The following NR1H3 variants were observed in gnomAD, a reference collection of about 807,000 sequenced individuals.
NR1H3 encodes the protein nuclear receptor subfamily 1 group H member 3, also known as oxysterols receptor LXR-alpha.
NR1H3 carries 19 observed loss-of-function variants against 48.1 expected under a neutral mutation model. The ratio of observed to expected loss-of-function variants is 0.40; its 90% CI spans 0.28 to 0.58. The LOEUF (loss-of-function observed/expected upper bound fraction) is 0.58. Among genes scored for constraint, NR1H3 ranks in the 20% least tolerant of loss-of-function variants. The probability of loss-of-function intolerance (pLI) is 0.50; values close to 1 mark genes in which losing one functional copy is unlikely to be tolerated. For missense variants in NR1H3, 486 were observed against 595.9 expected (o/e 0.82, Z 1.92); for synonymous variants, 232 against 227.3 (o/e 1.02, Z -0.19).
upstream of NR1H3, among the ~76,000 whole-genome samples, chr11:47,254,711 C>T (rs1350529033): frequency 6.6e-6 from 1 of 152,158 alleles, no homozygotes; most frequent in Non-Finnish European, 1.5e-5. Context: ...CAACAGCACC[C>T]AGCCTGCTGT....
At chr11:47,259,057 T>G (rs1206486029) in intron 1 of NR1H3, 123 bp from the exon 2 acceptor site, 6 of 1,524,296 alleles carry the variant, frequency 3.9e-6, no homozygotes, top group Non-Finnish European at 4.4e-6. Context: ...CAGGCTAATA[T>G]ATGGCAAGTA....
chr11:47,260,805 C>T lies in NR1H3; in HGVS notation c.499+130C>T, dbSNP rs1955762489. On this transcript the variant is annotated intron_variant, in intron 4 of 9. Transcript: ENST00000441012. ...GTATGGATCCCAGTATCTTTCTTGA[C>T]CGGGCGCGGTGGCTCATGCCTGTAA... is the stretch of plus-strand genomic sequence containing the variant. 4.0e-6 allele frequency: 5 copies of T among 1,253,016 alleles called. No individual in the cohort carries two copies. The South Asian group carries it at 6.1e-5, about 15-fold the overall frequency. The allele number at this position is 1,253,016 out of a possible 1,614,324, so 77.6% of individuals were successfully genotyped here.
rs754179468 is a variant in NR1H3, at chr11:47,268,564, C to T, written c.1212C>T (p.Phe404=). ...SIHHPHDRLM[F]PRMLMKLVSL... is the part of the protein sequence containing the mutation. ...CCTTTCCCCAGGACCGACTGATGTT[C>T]CCACGGATGCTAATGAAACTGGTGA... Residue 404 remains phenylalanine (F), a synonymous_variant, in exon 10 of 10, where the codon TTC becomes TTT. Transcript: ENST00000441012. 1 of 1,614,220 alleles carries T rather than the reference C, an allele frequency of 6.2e-7. No homozygotes were observed. Among genetic ancestry groups the T allele is most frequent in the South Asian group, 1.1e-5 (1 of 91,076 alleles).
intron 5 of NR1H3, 35 bp from the exon 6 acceptor site, chr11:47,261,512 G>T (rs756823363): frequency 2.5e-6 from 4 of 1,610,408 alleles, no homozygotes; most frequent in Admixed American, 3.3e-5. Flanking sequence ...CTTGATGTCC[G>T]ACTCAAAGCG....
chr11:47,260,319 G>A, intron 3 of NR1H3, 90 bp from the exon 4 acceptor site: 12 of 1,487,916 alleles, frequency 8.1e-6, no homozygotes, highest in South Asian at 2.7e-5. Flanking sequence ...AGGGAATGAA[G>A]GTCACTGAGT....
At chr11:47,253,115 C>T (rs1270253107), upstream of NR1H3, among the ~76,000 whole-genome samples, 9 of 86,316 alleles carry the variant, frequency 1.0e-4, no homozygotes, top group South Asian at 4.1e-4. Context: ...GATGCCACCA[C>T]GCCTGGCTAA....
intron 2 of NR1H3, 180 bp from the exon 3 acceptor site, chr11:47,259,611 G>A: frequency 1.4e-6 from 2 of 1,453,288 alleles, no homozygotes; most frequent in Non-Finnish European, 1.8e-6. Flanking sequence ...TGAGATGTAA[G>A]AAACTACAAG....
At chr11:47,251,072 T>A (rs1458038201) in intron 1 of NR1H3, among the ~76,000 whole-genome samples, 1 of 151,964 alleles carries the variant, frequency 6.6e-6, no homozygotes, top group Non-Finnish European at 1.5e-5. Flanking sequence ...GGCAGGAGAA[T>A]GTCGTGAACC....
rs1422235393 is a variant in NR1H3, at chr11:47,261,262, T to C, written c.521T>C (p.Ile174Thr). The change falls in exon 5 of 10, where the codon ATC becomes ACC. Residue 174 changes from isoleucine (I) to threonine (T), a missense_variant. Coordinates refer to ENST00000441012, the MANE Select transcript of NR1H3 (RefSeq NM_005693.4). ...REECVLSEEQ[I>T]RLKKLKRQEE... The stretch of plus-strand genomic sequence containing the variant: ...TTAGGTGTCCTGTCAGAAGAACAGA[T>C]CCGCCTGAAGAAACTGAAGCGGCAA... 1 of 1,601,790 alleles carries C rather than the reference T, an allele frequency of 6.2e-7. No homozygotes were observed. Among genetic ancestry groups the C allele is most frequent in the Non-Finnish European group, 8.5e-7 (1 of 1,175,322 alleles).
chr11:47,255,749 C>A (rs1345290137), upstream of NR1H3, among the ~76,000 whole-genome samples: 1 of 151,146 alleles, frequency 6.6e-6, no homozygotes, highest in African/African-American at 2.4e-5. Context: ...GTCATTGCAA[C>A]TTCTGCCTGC....
At chr11:47,262,155 A>T in intron 7 of NR1H3, 137 bp downstream of exon 7, 1 of 628,284 alleles carries the variant, frequency 1.6e-6, no homozygotes, top group Non-Finnish European at 2.8e-6. Flanking sequence ...CGAGGTGGGC[A>T]GATCACCAGG....
Position 47,268,202 on chromosome 11 carries a change from T to TGG in NR1H3, c.1103-56_1103-55dup. The TGG allele has an allele frequency of 2.0e-6, 3 of 1,506,222 alleles. No homozygotes were observed. In the Admixed American group the frequency reaches 5.2e-5, roughly 26 times the overall value. 93.3% of individuals were successfully genotyped at this position (1,506,222 alleles called of 1,614,324 possible). On this transcript the variant is annotated intron_variant, in intron 8 of 9. Coordinates refer to ENST00000441012, the MANE Select transcript of NR1H3 (RefSeq NM_005693.4). ...ATGTCTCTATATTTTGGTTGCAATT[T>TGG]GGGGTATGGAACTGGACCCTGGCCA... is the stretch of plus-strand genomic sequence containing the variant.
chr11:47,267,776 T>A, intron 7 of NR1H3, 137 bp from the exon 8 acceptor site: 1 of 656,226 alleles, frequency 1.5e-6, no homozygotes, highest in Admixed American at 2.3e-5. Context: ...CCGAAAGTGC[T>A]GGGATTACAG....
In NR1H3 at chr11:47,268,355, T is replaced by A. The variant is rs78765998; in HGVS notation, c.1197T>A (p.His399Gln). ...LHAYVSIHHPHDRLMFPRMLM... is the reference protein window; with the variant it reads ...LHAYVSIHHPQDRLMFPRMLM... ...CCTACGTCTCCATCCACCATCCCCA[T>A]GTGAGTCTCCCCATGGTGTTCCTTT... The change falls in exon 9 of 10, where the codon CAT (histidine) becomes CAA (glutamine). Residue 399 changes from histidine (H) to glutamine (Q), a missense_variant and splice_region_variant. Coordinates refer to ENST00000441012, the MANE Select transcript of NR1H3 (RefSeq NM_005693.4). The A allele has an allele frequency of 5.1e-4, 830 of 1,613,850 alleles. 13 individuals are homozygous for A. The East Asian group carries it at 0.018, about 36-fold the overall frequency.
In NR1H3 at chr11:47,268,819, CGTGGCA is replaced by C; in HGVS notation, c.*124_*129del. The stretch of plus-strand genomic sequence containing the variant: ...TGGGAGCTGGGCAAGGAGATCCTCC[CGTGGCA>C]TTAAAAGAGAGTCAAAGGGTTGCGA... On this transcript the variant is annotated 3_prime_UTR_variant, in exon 10 of 10. Coordinates refer to ENST00000441012, the MANE Select transcript of NR1H3 (RefSeq NM_005693.4). 1 of 1,277,868 alleles carries C rather than the reference CGTGGCA, an allele frequency of 7.8e-7. No individual in the cohort carries two copies. The highest frequency in any genetic ancestry group is 1.1e-6 in the Non-Finnish European group (1 of 927,636). 79.2% of individuals were successfully genotyped at this position (1,277,868 alleles called of 1,614,324 possible).
intron 1 of NR1H3, among the ~76,000 whole-genome samples, chr11:47,251,765 C>T (rs1954675551): frequency 6.6e-6 from 1 of 152,136 alleles, no homozygotes; most frequent in Admixed American, 6.6e-5. Context: ...ATCTTTGGCT[C>T]ACCAAATTTC....
upstream of NR1H3, among the ~76,000 whole-genome samples, chr11:47,253,802 C>T (rs1954857623): frequency 1.3e-5 from 2 of 152,148 alleles, no homozygotes; most frequent in Admixed American, 1.3e-4. Flanking sequence ...TTGCCTCCTG[C>T]AGGAGCCAAG....
rs369158691 is a variant in NR1H3, at chr11:47,250,782, T to C, written c.-93+1783T>C. On this transcript the variant is annotated intron_variant, in intron 1 of 8. Transcript: ENST00000395397. ...CTGATTTAACCTAGTCCTCTTACTT[T>C]ACAGCTTAGGAAACAAACCTAAAGA... 5.9e-5 allele frequency among the ~76,000 whole-genome samples: 9 copies of C among 152,392 alleles called. No individual in the cohort carries two copies. In the South Asian group the frequency reaches 1.9e-3, roughly 32 times the overall value.
At chr11:47,266,948 G>A (rs1956549558) in intron 7 of NR1H3, among the ~76,000 whole-genome samples, 1 of 151,856 alleles carries the variant, frequency 6.6e-6, no homozygotes, top group Non-Finnish European at 1.5e-5. Context: ...GCTGAAAAAC[G>A]ATTCTTGATA....
Sources: gnomAD v4.1 joint callset for allele counts (sites outside exome capture counted in the v4.1 genomes callset) on GRCh38, gnomAD v4.1.1 for gene constraint, MANE v1.5 for transcripts, NCBI Gene and HGNC (gene_info 2026-07-23, HGNC 2026-07-21) for gene names.